PRX: variants seen among roughly 807,000 people sequenced by gnomAD.
PRX encodes the protein periaxin.
In PRX, 24 loss-of-function variants were observed where a neutral mutation model predicts 29.6. The observed-to-expected ratio is 0.81, with a 90% CI of 0.59 to 1.14. The LOEUF is 1.14. Among genes scored for constraint, PRX ranks in the 50% most tolerant of loss-of-function variants. The pLI, the probability that PRX is intolerant of heterozygous loss-of-function variation, is 0.00. For synonymous variants in PRX, 772 were observed against 831.7 expected (o/e 0.93, Z 1.24); for missense variants, 1,838 against 1,926.4 (o/e 0.95, Z 0.86).
Position 40,397,497 on chromosome 19 carries a change from G to A in PRX, c.855C>T (p.Ala285=), listed in dbSNP as rs1296302875. Residue 285 remains alanine (A), a synonymous_variant, in exon 7 of 7, where the codon GCC becomes GCT. Coordinates refer to ENST00000324001, the MANE Select transcript of PRX (RefSeq NM_181882.3). ...GGGGGACCTGGATTCCCACGGCTGG[G>A]GCCTCCACAGCAGGCGGAGCCGGGG... The part of the protein sequence containing the change: ...LGAPAPPAVE[A]PAVGIQVPQV... The A allele has an allele frequency of 1.3e-6, 2 of 1,557,530 alleles. No homozygotes were observed. Among genetic ancestry groups the A allele is most frequent in the Non-Finnish European group, 8.7e-7 (1 of 1,153,384 alleles).
At chr19:40,414,381 C>T (rs937501973), upstream of PRX, among the ~76,000 whole-genome samples, 3 of 152,196 alleles carry the variant, frequency 2.0e-5, no homozygotes, top group Admixed American at 6.5e-5. Context: ...ACTTCGGCCT[C>T]CCAAAGTTCT....
chr19:40,414,619 G>C (rs2079572806), upstream of PRX, among the ~76,000 whole-genome samples: 1 of 152,110 alleles, frequency 6.6e-6, no homozygotes, highest in Non-Finnish European at 1.5e-5. Context: ...ACCCAGACCT[G>C]CCCGACTCCC....
In PRX at chr19:40,407,952, T is replaced by G. The variant is rs780315081; in HGVS notation, c.-20A>C. The G allele has an allele frequency of 2.0e-4, 329 of 1,613,628 alleles. No individual in the cohort carries two copies. Among genetic ancestry groups the G allele is most frequent in the Non-Finnish European group, 2.7e-4 (314 of 1,180,034 alleles). On this transcript the variant is annotated 5_prime_UTR_variant, in exon 4 of 7. Transcript: ENST00000324001. Reference sequence around the variant, plus strand: ...CTCCATGGCGTTGCTGGGAGGCACCTGCACCCCAGGCTCCTGTGTCCTCTC... The same window carrying G: ...CTCCATGGCGTTGCTGGGAGGCACCGGCACCCCAGGCTCCTGTGTCCTCTC...
intron 4 of PRX, among the ~76,000 whole-genome samples, chr19:40,407,275 TTTTC>T (rs2079536243): frequency 1.3e-5 from 2 of 149,678 alleles, no homozygotes; most frequent in Non-Finnish European, 1.5e-5. Context: ...CTTTTTTTTT[TTTTC>T]TTTGTTTTTC....
intron 5 of PRX, among the ~76,000 whole-genome samples, chr19:40,401,331 T>G (rs1336180706): frequency 6.6e-6 from 1 of 151,992 alleles, no homozygotes; most frequent in African/African-American, 2.4e-5. Context: ...CTTGCTCTGT[T>G]GCCCAAGCTG....
Position 40,397,929 on chromosome 19 carries a change from C to T in PRX, c.423G>A (p.Val141=). 3.7e-6 allele frequency: 6 copies of T among 1,612,820 alleles called. No individual in the cohort carries two copies. Among genetic ancestry groups the T allele is most frequent in the Non-Finnish European group, 5.1e-6 (6 of 1,179,594 alleles). Residue 141 remains valine (V), a synonymous_variant, in exon 7 of 7, where the codon GTG becomes GTA. Coordinates refer to ENST00000324001, the MANE Select transcript of PRX (RefSeq NM_181882.3). ...CAGCGGGGACCCCCAGAGCCCCAGG[C>T]ACCATCTTCTTCTTCTTCACAGGGG... ...SLSPVKKKKM[V]PGALGVPADL...
rs754303975 is a variant in PRX, at chr19:40,395,814, A to C, written c.2538T>G (p.His846Gln). The C allele has an allele frequency of 6.2e-7, 1 of 1,614,160 alleles. No individual in the cohort carries two copies. Among genetic ancestry groups the C allele is most frequent in the South Asian group, 1.1e-5 (1 of 91,082 alleles). Reference sequence around the variant, plus strand: ...GCAGAGTGAGAGAGGGGACACCCACATGAGCCTCACCATCCACCTCTGGCT... The same window carrying C: ...GCAGAGTGAGAGAGGGGACACCCACCTGAGCCTCACCATCCACCTCTGGCT... ...CLQPEVDGEA[H>Q]VGVPSLTLPS... Residue 846 changes from histidine (H) to glutamine (Q), a missense_variant, in exon 7 of 7, where the codon CAT becomes CAG. His to Gln is a conservative substitution (Grantham distance 24). This residue lies in a region of PRX where 1,143 missense variants were observed against 1,193.0 expected (regional missense o/e 0.96). Transcript: ENST00000324001.
chr19:40,409,664 G>A (rs1002922210), intron 1 of PRX, among the ~76,000 whole-genome samples: 2 of 151,726 alleles, frequency 1.3e-5, no homozygotes, highest in African/African-American at 4.8e-5. Flanking sequence ...GTAGAGATGG[G>A]GTTTCACCAT....
intron 1 of PRX, among the ~76,000 whole-genome samples, chr19:40,410,137 G>A (rs1677056770): frequency 6.6e-6 from 1 of 152,184 alleles, no homozygotes; most frequent in African/African-American, 2.4e-5. Flanking sequence ...ACAGCCAGAA[G>A]GAGGCAAAGC....
intron 1 of PRX, among the ~76,000 whole-genome samples, chr19:40,409,041 G>A (rs1206286615): frequency 6.6e-6 from 1 of 151,916 alleles, no homozygotes; most frequent in East Asian, 1.9e-4. Context: ...TAGTAGAGAC[G>A]GAGTTTCACC....
chr19:40,402,309 G>C (rs918955450), intron 5 of PRX, among the ~76,000 whole-genome samples: 2 of 151,768 alleles, frequency 1.3e-5, no homozygotes, highest in African/African-American at 2.4e-5. Flanking sequence ...AGCCGAGATC[G>C]TGCCACTGCA....
At chr19:40,403,594 C>G (rs2079510691) in intron 5 of PRX, 112 bp downstream of exon 5, 1 of 1,335,322 alleles carries the variant, frequency 7.5e-7, no homozygotes, top group African/African-American at 1.5e-5. Flanking sequence ...CCCTCCTGGT[C>G]GCCGGTCACG....
At chr19:40,401,452 G>A (rs986152164) in intron 5 of PRX, among the ~76,000 whole-genome samples, 1 of 152,094 alleles carries the variant, frequency 6.6e-6, no homozygotes. Flanking sequence ...GCCACCCAAT[G>A]CTTGGCCATA....
Position 40,395,076 on chromosome 19 carries a change from CA to C in PRX, c.3275del (p.Val1092GlyfsTer35). ...GCTCCACCTCGGGGATCTTAAGCTG[CA>C]CAGCGGTGGACTCAGCCTTTTCCCC... is the stretch of plus-strand genomic sequence containing the variant. ...SPGEKAESTA[V>X]QLKIPEVELV... On this transcript the variant is annotated frameshift_variant, in exon 7 of 7. Transcript: ENST00000324001. LOFTEE classifies it low-confidence loss of function (END_TRUNC). 1 of 1,613,402 alleles carries C rather than the reference CA, an allele frequency of 6.2e-7. No homozygotes were observed. Among genetic ancestry groups the C allele is most frequent in the Non-Finnish European group, 8.5e-7 (1 of 1,180,024 alleles).
At position 40,397,518 on chromosome 19, in the gene PRX, C is replaced by T. The variant is rs759984063; in HGVS notation, c.834G>A (p.Pro278=). 4.1e-5 allele frequency: 63 copies of T among 1,546,772 alleles called. No homozygotes were observed. The highest frequency in any genetic ancestry group is 4.9e-5 in the Non-Finnish European group (56 of 1,147,842). Residue 278 remains proline (P), a synonymous_variant, in exon 7 of 7, where the codon CCG becomes CCA. Coordinates refer to ENST00000324001, the MANE Select transcript of PRX (RefSeq NM_181882.3). The part of the protein sequence containing the change: ...LHLPTLGLGA[P]APPAVEAPAV... Reference sequence around the variant, plus strand: ...CTGGGGCCTCCACAGCAGGCGGAGCCGGGGCTCCGAGCCCAAGGGTTGGCA... The same window carrying T: ...CTGGGGCCTCCACAGCAGGCGGAGCTGGGGCTCCGAGCCCAAGGGTTGGCA...
rs779294844 is a variant in PRX, at chr19:40,396,137, C to G, written c.2215G>C (p.Asp739His). ...LPKVPEMAVP[D>H]VHLPEVQLPK... Reference sequence around the variant, plus strand: ...AGCTGCACCTCGGGGAGGTGCACATCGGGCACAGCCATCTCAGGCACCTTG... The same window carrying G: ...AGCTGCACCTCGGGGAGGTGCACATGGGGCACAGCCATCTCAGGCACCTTG... Residue 739 changes from aspartate (D) to histidine (H), a missense_variant, in exon 7 of 7, where the codon GAT (aspartate) becomes CAT (histidine). Asp to His is a moderately conservative substitution (Grantham distance 81, BLOSUM62 -1). Transcript: ENST00000324001. The G allele has an allele frequency of 3.7e-6, 6 of 1,613,714 alleles. No homozygotes were observed. In the African/African-American group the frequency reaches 8.0e-5, roughly 22 times the overall value.
At position 40,394,023 on chromosome 19, in the gene PRX, T is replaced by C; in HGVS notation, c.4329A>G (p.Ser1443=). Residue 1443 remains serine (S), a synonymous_variant, in exon 7 of 7, where the codon TCA becomes TCG. Transcript: ENST00000324001. The surrounding 1 kb of genome is among the most constrained non-coding windows in gnomAD (Gnocchi z 5.8). ...TGGCCGGGCCTGGAGCCCCTGTCTC[T>C]GAAAACCCCACGCTGGGCAGCCGCA... ...LRVRLPSVGF[S]ETGAPGPARM... 6.2e-7 allele frequency: 1 copy of C among 1,613,582 alleles called. No homozygotes were observed. Among genetic ancestry groups the C allele is most frequent in the Non-Finnish European group, 8.5e-7 (1 of 1,179,716 alleles).
chr19:40,411,294 C>G (rs932626798), intron 1 of PRX, among the ~76,000 whole-genome samples: 2 of 152,174 alleles, frequency 1.3e-5, no homozygotes, highest in African/African-American at 4.8e-5. Context: ...CATACTTGAC[C>G]TTGTGGGACC....
chr19:40,413,888 G>A (rs2079570477), upstream of PRX, among the ~76,000 whole-genome samples: 2 of 152,268 alleles, frequency 1.3e-5, no homozygotes, highest in South Asian at 2.1e-4. Flanking sequence ...AGACAATGCC[G>A]GGCACATAAT....
Sources: gnomAD v4.1 joint callset for allele counts (sites outside exome capture counted in the v4.1 genomes callset) on GRCh38, gnomAD v4.1.1 for gene constraint, gnomAD v4.1.1 regional missense constraint, Gnocchi (gnomAD v3.1) non-coding constraint, MANE v1.5 for transcripts, NCBI Gene and HGNC (gene_info 2026-07-23, HGNC 2026-07-21) for gene names.